The following KIF26B variants were observed in gnomAD, a reference collection of about 807,000 sequenced individuals.
KIF26B encodes the protein kinesin family member 26B, also known as kinesin-like protein KIF26B.
In KIF26B, 63 loss-of-function variants were observed where a neutral mutation model predicts 151.2. That is an observed-to-expected ratio of 0.42 (90% CI 0.34 to 0.51). KIF26B has a LOEUF of 0.51. KIF26B is among the 20% of genes least tolerant of loss of function. The probability of loss-of-function intolerance (pLI) is 0.07; values close to 1 mark genes in which losing one functional copy is unlikely to be tolerated. For missense variants in KIF26B, 2,813 were observed against 2,913.6 expected (o/e 0.97, Z 0.79); for synonymous variants, 1,357 against 1,262.1 (o/e 1.08, Z -1.59).
chr1:245,434,648 C>G (rs1380207989), intron 4 of KIF26B, among the ~76,000 whole-genome samples: 12 of 152,280 alleles, frequency 7.9e-5, no homozygotes, highest in Admixed American at 7.8e-4. Context: ...AGGGGGCAGG[C>G]CACTTGGGAG....
intron 2 of KIF26B, among the ~76,000 whole-genome samples, chr1:245,208,557 A>G (rs1337779856): frequency 1.3e-5 from 2 of 152,184 alleles, no homozygotes; most frequent in Non-Finnish European, 2.9e-5. Flanking sequence ...ACGTGCACAG[A>G]AAGTCCTCAG....
At chr1:245,421,378 G>T (rs1049584678) in intron 4 of KIF26B, among the ~76,000 whole-genome samples, 1 of 152,130 alleles carries the variant, frequency 6.6e-6, no homozygotes, top group African/African-American at 2.4e-5. Context: ...GACTTGGTTC[G>T]TTCTGTAGAG....
intron 5 of KIF26B, among the ~76,000 whole-genome samples, chr1:245,584,425 C>T (rs958651520): frequency 4.6e-5 from 7 of 152,062 alleles, no homozygotes; most frequent in South Asian, 2.1e-4. Context: ...AAACATTGAC[C>T]GTCTTATCCA....
At chr1:245,642,365 A>G (rs900684256) in intron 9 of KIF26B, among the ~76,000 whole-genome samples, 1 of 152,062 alleles carries the variant, frequency 6.6e-6, no homozygotes, top group East Asian at 1.9e-4. Flanking sequence ...TTTCTTGCCC[A>G]TAACAGGAGG....
intron 9 of KIF26B, among the ~76,000 whole-genome samples, chr1:245,621,902 T>C (rs80337649): frequency 0.016 from 2,493 of 152,340 alleles, 76 homozygotes; most frequent in African/African-American, 0.056. Flanking sequence ...GGTATAATTA[T>C]AGGTATTTTA....
chr1:245,626,654 A>G (rs1156339068), intron 9 of KIF26B, among the ~76,000 whole-genome samples: 2 of 152,048 alleles, frequency 1.3e-5, no homozygotes, highest in Non-Finnish European at 2.9e-5. Flanking sequence ...AACAGCTTGC[A>G]AATATTTTTT....
intron 5 of KIF26B, among the ~76,000 whole-genome samples, chr1:245,543,059 G>A (rs1028346244): frequency 9.9e-5 from 15 of 152,130 alleles, no homozygotes; most frequent in Non-Finnish European, 8.8e-5. Flanking sequence ...ATCAGAAACC[G>A]TCCTCCTGCA....
chr1:245,306,721 G>GT (rs1671562364), intron 2 of KIF26B, among the ~76,000 whole-genome samples: 2 of 152,108 alleles, frequency 1.3e-5, no homozygotes. Flanking sequence ...AACTGGATAT[G>GT]TTTTCTCCTT....
rs543564841 is a variant in KIF26B, at chr1:245,390,340, C to T, written c.999+22973C>T. Among the ~76,000 whole-genome samples the T allele has an allele frequency of 1.1e-4, 16 of 152,152 alleles. No homozygotes were observed. The South Asian group carries it at 3.3e-3, about 32-fold the overall frequency. On this transcript the variant is annotated intron_variant, in intron 3 of 14. Transcript: ENST00000407071. The stretch of plus-strand genomic sequence containing the variant: ...TCAAGTGATTCTCCTGCCTCATCCT[C>T]CTGAGTAGCTGTGACTACAGGTGCC...
intron 2 of KIF26B, among the ~76,000 whole-genome samples, chr1:245,225,707 CGGTCCGTAGGG>C (rs1242604556): frequency 6.6e-6 from 1 of 152,174 alleles, no homozygotes; most frequent in African/African-American, 2.4e-5. Context: ...CCCCTTTCCT[CGGTCCGTAGGG>C]ATGGAAGGGT....
intron 9 of KIF26B, among the ~76,000 whole-genome samples, chr1:245,625,126 A>T (rs1210028316): frequency 6.6e-6 from 1 of 152,180 alleles, no homozygotes; most frequent in Non-Finnish European, 1.5e-5. Context: ...CTATTTGTCT[A>T]TCTTTACACC....
At chr1:245,164,624 A>G (rs1003384179) in intron 2 of KIF26B, among the ~76,000 whole-genome samples, 2 of 152,212 alleles carry the variant, frequency 1.3e-5, no homozygotes, top group African/African-American at 4.8e-5. Context: ...CATGGTCACC[A>G]TACACAGTAT....
At position 245,687,759 on chromosome 1, in the gene KIF26B, C is replaced by A; in HGVS notation, c.4776C>A (p.Pro1592=). The A allele has an allele frequency of 6.3e-7, 1 of 1,579,708 alleles. No individual in the cohort carries two copies. Among genetic ancestry groups the A allele is most frequent in the East Asian group, 2.4e-5 (1 of 42,424 alleles). Residue 1592 remains proline (P), a synonymous_variant, in exon 12 of 15, where the codon CCC becomes CCA. Coordinates refer to ENST00000407071, the MANE Select transcript of KIF26B (RefSeq NM_018012.4). The surrounding 1 kb of genome is among the most constrained non-coding windows in gnomAD (Gnocchi z 4.9). ...ASPKHCVLAR[P]KGTPPLPPVR... is the part of the protein sequence containing the mutation. ...CCAAGCACTGTGTTCTGGCTCGGCCCAAAGGGACTCCCCCTCTGCCCCCTG... is the reference window on the plus strand; with the variant it reads ...CCAAGCACTGTGTTCTGGCTCGGCCAAAAGGGACTCCCCCTCTGCCCCCTG...
chr1:245,619,007 G>A (rs2043626687), intron 9 of KIF26B, among the ~76,000 whole-genome samples: 1 of 143,630 alleles, frequency 7.0e-6, no homozygotes, highest in Admixed American at 7.0e-5. Context: ...TTAGACTATA[G>A]GTTCCTTGAG....
intron 2 of KIF26B, among the ~76,000 whole-genome samples, chr1:245,194,622 C>T (rs570501068): frequency 3.2e-4 from 49 of 152,258 alleles, no homozygotes; most frequent in Middle Eastern, 3.4e-3. Context: ...AGGCCATCCA[C>T]CCACCTTGGC....
intron 2 of KIF26B, among the ~76,000 whole-genome samples, chr1:245,319,036 T>A (rs1671834823): frequency 6.6e-6 from 1 of 152,222 alleles, no homozygotes; most frequent in African/African-American, 2.4e-5. Flanking sequence ...TTGGGTTTGA[T>A]GGAGTCAACC....
At chr1:245,359,359 C>T (rs1423232786) in intron 2 of KIF26B, among the ~76,000 whole-genome samples, 2 of 152,110 alleles carry the variant, frequency 1.3e-5, no homozygotes, top group African/African-American at 2.4e-5. Context: ...AGGTTGGCAG[C>T]TCCTAGGAGA....
rs1036393814 is a variant in KIF26B at position 245,375,041 on chromosome 1, G to A, written c.999+7674G>A. Among the ~76,000 whole-genome samples, 3 of 152,180 alleles carry A rather than the reference G, an allele frequency of 2.0e-5. No homozygotes were observed. Among genetic ancestry groups the A allele is most frequent in the African/African-American group, 7.2e-5 (3 of 41,450 alleles). ...CTTACATGGTAAAAGGGCCTCAGCA[G>A]ATGTGATTAAGCCAAGGATCTTGAG... On this transcript the variant is annotated intron_variant, in intron 3 of 14. Coordinates refer to ENST00000407071, the MANE Select transcript of KIF26B (RefSeq NM_018012.4). This position sits in a 1 kb window ranked among gnomAD's most constrained non-coding sequence, Gnocchi z 4.2.
At chr1:245,346,448 C>G (rs1490637294) in intron 2 of KIF26B, among the ~76,000 whole-genome samples, 1 of 152,134 alleles carries the variant, frequency 6.6e-6, no homozygotes, top group East Asian at 1.9e-4. Context: ...CTCTGGCCAC[C>G]AGATCATTGT....
Sources: allele counts gnomAD v4.1 joint callset (sites outside exome capture counted in the v4.1 genomes callset), GRCh38; gene constraint gnomAD v4.1.1; non-coding constraint Gnocchi (gnomAD v3.1); transcripts MANE v1.5; gene names NCBI Gene and HGNC (gene_info 2026-07-23, HGNC 2026-07-21).